The following ZBBX variants were observed in gnomAD, a reference collection of about 807,000 sequenced individuals.
The protein encoded by ZBBX is zinc finger B-box domain-containing protein 1.
Under a neutral mutation model 108.5 loss-of-function variants are expected in ZBBX, and 101 were observed. The ratio of observed to expected loss-of-function variants is 0.93; its 90% CI spans 0.79 to 1.10. The LOEUF (loss-of-function observed/expected upper bound fraction) is 1.10, where lower values mean the gene tolerates loss of function less well. Among genes scored for constraint, ZBBX ranks in the 50% least tolerant of loss-of-function variants. ZBBX has a pLI of 0.00. For synonymous variants in ZBBX, 356 were observed against 323.4 expected (o/e 1.10, Z -1.08); for missense variants, 1,009 against 941.4 (o/e 1.07, Z -0.94).
chr3:167,316,439 A>T (rs546257257), intron 14 of ZBBX, among the ~76,000 whole-genome samples: 1 of 152,210 alleles, frequency 6.6e-6, no homozygotes, highest in African/African-American at 2.4e-5. Flanking sequence ...AAATGCACTG[A>T]GTGTATCACA....
At chr3:167,364,107 T>C (rs1258812828) in intron 6 of ZBBX, among the ~76,000 whole-genome samples, 5 of 151,934 alleles carry the variant, frequency 3.3e-5, no homozygotes, top group Non-Finnish European at 1.5e-5. Flanking sequence ...GGCCGAATAA[T>C]TCTTTGTTGT....
At chr3:167,323,241 G>GGC (rs1553815536) in intron 11 of ZBBX, among the ~76,000 whole-genome samples, 1 of 139,244 alleles carries the variant, frequency 7.2e-6, no homozygotes, top group Non-Finnish European at 1.5e-5. Flanking sequence ...CTAAAAGAGG[G>GGC]GGGGGGGGGA....
chr3:167,261,172 T>C (rs778770431), intron 20 of ZBBX, among the ~76,000 whole-genome samples: 2 of 152,178 alleles, frequency 1.3e-5, no homozygotes, highest in Non-Finnish European at 2.9e-5. Context: ...CAGCATCCTA[T>C]GATGTGAACC....
At chr3:167,181,315 C>G in the ZBBX span, among the ~76,000 whole-genome samples, 1 of 152,160 alleles carries the variant, frequency 6.6e-6, no homozygotes, top group Non-Finnish European at 1.5e-5. Context: ...TAATAAATCT[C>G]TCCCCCATAA....
At chr3:167,180,597 C>T in the ZBBX span, among the ~76,000 whole-genome samples, 1 of 152,188 alleles carries the variant, frequency 6.6e-6, no homozygotes, top group South Asian at 2.1e-4. Context: ...TAACATAACA[C>T]TGTGAAAATT....
At chr3:167,328,268 A>G (rs1008930704) in intron 10 of ZBBX, 152 bp from the exon 11 acceptor site, 80 of 793,276 alleles carry the variant, frequency 1.0e-4, no homozygotes, top group Non-Finnish European at 1.4e-4. Context: ...AATATTTTTA[A>G]GTTGTGCTTA....
chr3:167,347,646 C>T (rs1401306247), intron 9 of ZBBX, among the ~76,000 whole-genome samples: 1 of 151,940 alleles, frequency 6.6e-6, no homozygotes, highest in Non-Finnish European at 1.5e-5. Context: ...CTTAGTAATT[C>T]CGTTAGGTGA....
the ZBBX span, among the ~76,000 whole-genome samples, chr3:167,229,707 G>A: frequency 2.0e-5 from 3 of 151,676 alleles, no homozygotes; most frequent in African/African-American, 7.3e-5. Flanking sequence ...AATGACCACT[G>A]TAATAATAAG....
the ZBBX span, among the ~76,000 whole-genome samples, chr3:167,194,156 G>A: frequency 6.6e-6 from 1 of 150,770 alleles, no homozygotes; most frequent in East Asian, 1.9e-4. Context: ...AATGTTTGAG[G>A]TAATGGCTAT....
At position 167,288,857 on chromosome 3, in the gene ZBBX, T is replaced by G; in HGVS notation, c.1996+10A>C. 7.9e-6 allele frequency: 12 copies of G among 1,520,736 alleles called. No homozygotes were observed. The highest frequency in any genetic ancestry group is 1.1e-5 in the Non-Finnish European group (12 of 1,127,282). The allele number at this position is 1,520,736 out of a possible 1,614,324, so 94.2% of individuals were successfully genotyped here. ...CCAACATGGCACTGCTGCCTTTGAG[T>G]CAATGTTACCCATCTTTTGCTGTTT... On this transcript the variant is annotated intron_variant, in intron 19 of 21. Coordinates refer to ENST00000675490, the MANE Select transcript of ZBBX (RefSeq NM_001199201.2).
chr3:167,178,700 G>A, the ZBBX span, among the ~76,000 whole-genome samples: 1 of 152,138 alleles, frequency 6.6e-6, no homozygotes, highest in African/African-American at 2.4e-5. Flanking sequence ...TATTTTACCT[G>A]CTTCCCAACT....
At chr3:167,313,290 T>A (rs959395125) in intron 16 of ZBBX, among the ~76,000 whole-genome samples, 10 of 152,170 alleles carry the variant, frequency 6.6e-5, no homozygotes, top group African/African-American at 2.4e-4. Flanking sequence ...GTTTTGTTTT[T>A]TTGAGACAGA....
chr3:167,242,615 G>A lies in ZBBX; in HGVS notation c.2283C>T (p.Thr761=), dbSNP rs1720879406. Residue 761 remains threonine, a synonymous_variant, in exon 21 of 22, where the codon ACC becomes ACT. Coordinates refer to ENST00000675490, the MANE Select transcript of ZBBX (RefSeq NM_001199201.2). ...TGCTGAAATCTGGGAACTCTTCTGA[G>A]GTTAAGCTGTAAAGCTTTTCTGAAG... is the stretch of plus-strand genomic sequence containing the variant. ...ADTSEKLYSL[T]SEEFPDFSSQ... is the part of the protein sequence containing the mutation. 1.9e-6 allele frequency: 3 copies of A among 1,612,212 alleles called. No homozygotes were observed. Among genetic ancestry groups the A allele is most frequent in the African/African-American group, 2.7e-5 (2 of 74,790 alleles).
chr3:167,255,187 C>T (rs1723289101), intron 20 of ZBBX, among the ~76,000 whole-genome samples: 1 of 151,624 alleles, frequency 6.6e-6, no homozygotes, highest in Admixed American at 6.6e-5. Flanking sequence ...ATGAAAAAAG[C>T]TGTGATAAAG....
chr3:167,386,874 C>T (rs577866768), intron 1 of ZBBX, among the ~76,000 whole-genome samples: 1 of 152,116 alleles, frequency 6.6e-6, no homozygotes, highest in South Asian at 2.1e-4. Flanking sequence ...ACAAGAGTTA[C>T]AAGGTTTGTT....
the ZBBX span, among the ~76,000 whole-genome samples, chr3:167,215,753 C>G: frequency 6.6e-6 from 1 of 152,148 alleles, no homozygotes; most frequent in Non-Finnish European, 1.5e-5. Context: ...AAACTGAATC[C>G]AGCAGCGCAT....
intron 18 of ZBBX, among the ~76,000 whole-genome samples, chr3:167,296,350 C>T (rs940149585): frequency 6.6e-6 from 1 of 151,980 alleles, no homozygotes; most frequent in African/African-American, 2.4e-5. Context: ...GCAAGGATGC[C>T]TGCTTTTGCT....
intron 2 of ZBBX, among the ~76,000 whole-genome samples, chr3:167,374,245 G>A (rs1560200647): frequency 6.6e-6 from 1 of 151,870 alleles, no homozygotes. Context: ...GATACTCTTT[G>A]GCTCAGATCA....
At chr3:167,219,489 C>T in the ZBBX span, among the ~76,000 whole-genome samples, 251 of 151,900 alleles carry the variant, frequency 1.7e-3, 1 homozygote, top group African/African-American at 4.8e-3. Context: ...TTGGAAACTA[C>T]ACAAACACAT....
Sources: allele counts gnomAD v4.1 joint callset (sites outside exome capture counted in the v4.1 genomes callset), GRCh38; gene constraint gnomAD v4.1.1; transcripts MANE v1.5; gene names NCBI Gene and HGNC (gene_info 2026-07-23, HGNC 2026-07-21).